Variants in HYDIN observed in about 807,000 individuals in gnomAD.
HYDIN encodes the protein axonemal central pair apparatus protein HYDIN.
In HYDIN, 132 loss-of-function variants were observed where a neutral mutation model predicts 403.9. The observed-to-expected ratio is 0.33, with a 90% CI of 0.28 to 0.38. The LOEUF (loss-of-function observed/expected upper bound fraction) is 0.38, where lower values mean the gene tolerates loss of function less well. Among genes scored for constraint, HYDIN ranks in the 10% least tolerant of loss-of-function variants. HYDIN has a pLI of 1.00. For missense variants in HYDIN, 2,827 were observed against 5,009.5 expected (o/e 0.56, Z 13.15); for synonymous variants, 1,202 against 1,891.7 (o/e 0.64, Z 9.46).
intron 12 of HYDIN, among the ~76,000 whole-genome samples, chr16:71,087,187 G>A (rs1373014894): frequency 3.3e-5 from 5 of 152,100 alleles, no homozygotes; most frequent in African/African-American, 1.2e-4. Flanking sequence ...AGGCACACAC[G>A]TTCACTCTCC....
chr16:70,856,244 TTC>T (rs1409873002), intron 72 of HYDIN, among the ~76,000 whole-genome samples: 1 of 115,814 alleles, frequency 8.6e-6, no homozygotes, highest in Non-Finnish European at 1.6e-5. Flanking sequence ...TACCACATTA[TTC>T]TGTTGAGTCT....
At chr16:70,980,940 C>A (rs1266852160) in intron 29 of HYDIN, among the ~76,000 whole-genome samples, 1 of 152,012 alleles carries the variant, frequency 6.6e-6, no homozygotes, top group African/African-American at 2.4e-5. Context: ...TTAGCCTTCA[C>A]CCTGTGTAAT....
At chr16:71,125,583 G>C (rs1339753484) in intron 9 of HYDIN, among the ~76,000 whole-genome samples, 1 of 151,930 alleles carries the variant, frequency 6.6e-6, no homozygotes, top group Non-Finnish European at 1.5e-5. Context: ...CAAATGGCTT[G>C]TTTAAGCTTA....
At chr16:71,139,239 G>A (rs906233539) in intron 7 of HYDIN, among the ~76,000 whole-genome samples, 23 of 151,820 alleles carry the variant, frequency 1.5e-4, no homozygotes, top group Admixed American at 1.4e-3. Flanking sequence ...GATAATTATT[G>A]ACTGGTTAGA....
rs1228054176 is a variant in HYDIN, at chr16:70,974,551, C to T, written c.4892G>A (p.Arg1631His). 19 of 1,607,466 alleles carry T rather than the reference C, an allele frequency of 1.2e-5. No individual in the cohort carries two copies. Among genetic ancestry groups the T allele is most frequent in the African/African-American group, 2.7e-5 (2 of 74,392 alleles). ...HFPVSFHADK[R>H]VLHETGFSTE... ...CTGGGTACCTGTCTCATGAAGGACA[C>T]GCTTGTCTGCATGGAATGACACTGG... The change falls in exon 32 of 86, where the codon CGT becomes CAT. Residue 1631 changes from arginine to histidine, a missense_variant. Transcript: ENST00000393567.
intron 1 of HYDIN, among the ~76,000 whole-genome samples, chr16:71,214,136 TA>T (rs891185515): frequency 4.6e-5 from 7 of 152,056 alleles, no homozygotes; most frequent in East Asian, 3.9e-4. Context: ...AAAAAGTTTT[TA>T]AAAAATCAAC....
intron 55 of HYDIN, among the ~76,000 whole-genome samples, chr16:70,892,940 C>CT (rs2041561708): frequency 6.6e-6 from 1 of 152,134 alleles, no homozygotes; most frequent in African/African-American, 2.4e-5. Context: ...GGGCAGGGGT[C>CT]CTGTAACAGA....
chr16:70,839,789 G>A (rs1321435561), intron 76 of HYDIN, among the ~76,000 whole-genome samples: 2 of 143,778 alleles, frequency 1.4e-5, no homozygotes, highest in Non-Finnish European at 3.0e-5. Flanking sequence ...TCTATTGCAC[G>A]ACAAGATAAA....
At chr16:70,877,667 C>T (rs571665792) in intron 62 of HYDIN, among the ~76,000 whole-genome samples, 5 of 152,108 alleles carry the variant, frequency 3.3e-5, no homozygotes, top group South Asian at 2.1e-4. Flanking sequence ...AATCTAATGC[C>T]GCTGCTGATC....
At chr16:71,202,234 G>A (rs546044100) in intron 1 of HYDIN, among the ~76,000 whole-genome samples, 1 of 152,220 alleles carries the variant, frequency 6.6e-6, no homozygotes, top group Admixed American at 6.5e-5. Flanking sequence ...ATGTGCATGT[G>A]TATACACACC....
intron 45 of HYDIN, 49 bp from the exon 46 acceptor site, chr16:70,921,266 T>C (rs1400409392): frequency 6.6e-7 from 1 of 1,522,950 alleles, no homozygotes; most frequent in Admixed American, 2.1e-5. Context: ...TTTTACGGGG[T>C]AGTAAATTGC....
At chr16:70,984,690 T>G (rs1167579753) in intron 28 of HYDIN, among the ~76,000 whole-genome samples, 1 of 129,498 alleles carries the variant, frequency 7.7e-6, no homozygotes, top group Non-Finnish European at 1.6e-5. Flanking sequence ...CCTTTTTTAA[T>G]AACAATTATG....
At chr16:70,955,959 C>T (rs1001313474) in intron 39 of HYDIN, among the ~76,000 whole-genome samples, 3 of 152,118 alleles carry the variant, frequency 2.0e-5, no homozygotes, top group African/African-American at 7.2e-5. Flanking sequence ...GCTGGGATTA[C>T]AGGCACCCAC....
chr16:71,175,685 G>T lies in HYDIN; in HGVS notation c.438C>A (p.Ser146Arg), dbSNP rs1455302592. 1 of 1,614,100 alleles carries T rather than the reference G, an allele frequency of 6.2e-7. No individual in the cohort carries two copies. The highest frequency in any genetic ancestry group is 8.5e-7 in the Non-Finnish European group (1 of 1,179,916). Residue 146 changes from serine to arginine, a missense_variant, in exon 5 of 86, where the codon AGC (serine) becomes AGA (arginine). Physicochemically the swap from Ser to Arg is moderately radical, Grantham distance 110. Coordinates refer to ENST00000393567, the MANE Select transcript of HYDIN (RefSeq NM_001270974.2). ...EESSPYFKVI[S>R]PKDIGHKVAP... ...CCACTTTGTGGCCAATATCTTTGGG[G>T]CTGATTACTTTAAAGTAAGGCGAAC...
chr16:70,933,795 T>A (rs1373863838), intron 45 of HYDIN: 1 of 154,680 alleles, frequency 6.5e-6, no homozygotes, highest in African/African-American at 2.4e-5. Context: ...CTCCCTCTTT[T>A]GGGCTGTCCC....
Position 70,943,821 on chromosome 16 carries a change from C to A in HYDIN, c.6660G>T (p.Glu2220Asp). Residue 2220 changes from glutamate to aspartate, a missense_variant, in exon 42 of 86, where the codon GAG becomes GAT. By Grantham distance (45) the Glu-to-Asp change is conservative. Transcript: ENST00000393567. ...GGTGGCATGGACCCACCTGTATCCG[C>A]TCTGCCAGGATCTGCACGAGAAGTT... is the stretch of plus-strand genomic sequence containing the variant. ...PDELLVQILA[E>D]RIQLSDCYRG... 6.2e-7 allele frequency: 1 copy of A among 1,612,638 alleles called. No individual in the cohort carries two copies. Among genetic ancestry groups the A allele is most frequent in the Non-Finnish European group, 8.5e-7 (1 of 1,179,994 alleles).
chr16:71,202,325 A>AATACACATTTGT (rs1443473638), intron 1 of HYDIN, among the ~76,000 whole-genome samples: 2 of 152,218 alleles, frequency 1.3e-5, no homozygotes, highest in Non-Finnish European at 2.9e-5. Flanking sequence ...TTCTTAAACA[A>AATACACATTTGT]ATACACATTT....
chr16:71,073,973 C>T (rs1351799785), intron 13 of HYDIN, among the ~76,000 whole-genome samples: 1 of 152,100 alleles, frequency 6.6e-6, no homozygotes, highest in East Asian at 1.9e-4. Flanking sequence ...TACTATTACC[C>T]ACCACCCATC....
At chr16:70,810,673 C>A (rs1038064955) in intron 84 of HYDIN, among the ~76,000 whole-genome samples, 6 of 151,880 alleles carry the variant, frequency 4.0e-5, no homozygotes, top group Non-Finnish European at 1.5e-5. Context: ...CTAAAAAAAA[C>A]AGAAAAATTA....
Sources: gnomAD v4.1 joint callset for allele counts (sites outside exome capture counted in the v4.1 genomes callset) on GRCh38, gnomAD v4.1.1 for gene constraint, MANE v1.5 for transcripts, NCBI Gene and HGNC (gene_info 2026-07-23, HGNC 2026-07-21) for gene names.